Variants in WNT7B observed in about 807,000 individuals in gnomAD.
WNT7B encodes Wnt family member 7B.
WNT7B carries 19 observed loss-of-function variants against 38.2 expected under a neutral mutation model. The ratio of observed to expected loss-of-function variants is 0.50; its 90% CI spans 0.35 to 0.73. The LOEUF (loss-of-function observed/expected upper bound fraction) is 0.73. Among genes scored for constraint, WNT7B ranks in the 30% least tolerant of loss-of-function variants. The pLI, the probability that WNT7B is intolerant of heterozygous loss-of-function variation, is 0.01. For missense variants in WNT7B, 423 were observed against 507.9 expected, an observed-to-expected ratio of 0.83 and a Z score of 1.61; for synonymous variants, 243 against 209.3, an observed-to-expected ratio of 1.16 and a Z score of -1.39.
intron 1 of WNT7B, among the ~76,000 whole-genome samples, chr22:45,957,909 T>G (rs1276716802): frequency 6.6e-6 from 1 of 152,180 alleles, no homozygotes; most frequent in Non-Finnish European, 1.5e-5. Context: ...TGCCCCAGCC[T>G]GTGCCCATCA....
rs546097521 is a variant in WNT7B, at chr22:45,951,999, G to T, written c.72-1853C>A. Among the ~76,000 whole-genome samples the T allele has an allele frequency of 1.3e-5, 2 of 152,328 alleles. No homozygotes were observed. The highest frequency in any genetic ancestry group is 3.9e-4 in the East Asian group (2 of 5,176). On this transcript the variant is annotated intron_variant, in intron 1 of 3. Transcript: ENST00000339464. This position sits in a 1 kb window ranked among gnomAD's most constrained non-coding sequence, Gnocchi z 4.8. ...CTGGCTTTAAGCACCCATGGAAGGG[G>T]CAGTGAGCTGGAAGGAGGGGGGCGG...
chr22:45,930,095 G>A (rs1435898775), intron 3 of WNT7B, among the ~76,000 whole-genome samples: 2 of 152,226 alleles, frequency 1.3e-5, no homozygotes, highest in Non-Finnish European at 2.9e-5. Flanking sequence ...CCCAAGCCCT[G>A]TGGCCATCAA....
chr22:45,943,026 T>C (rs568408932), intron 2 of WNT7B, among the ~76,000 whole-genome samples: 12 of 146,822 alleles, frequency 8.2e-5, no homozygotes, highest in African/African-American at 3.0e-4. Context: ...TGCATGTGTA[T>C]GTGTGTGCGC....
intron 2 of WNT7B, among the ~76,000 whole-genome samples, chr22:45,946,244 C>T (rs112047979): frequency 5.9e-5 from 9 of 152,322 alleles, no homozygotes; most frequent in Admixed American, 2.6e-4. Flanking sequence ...TGCAAAAGTG[C>T]TCTCGGCTTT....
chr22:45,932,034 T>C (rs1407459475), intron 2 of WNT7B, among the ~76,000 whole-genome samples: 3 of 152,160 alleles, frequency 2.0e-5, no homozygotes, highest in Admixed American at 6.5e-5. Context: ...CTAATACCCC[T>C]GCCTGACCCA....
chr22:45,945,539 C>T (rs1360368117), intron 2 of WNT7B, among the ~76,000 whole-genome samples: 1 of 152,236 alleles, frequency 6.6e-6, no homozygotes, highest in South Asian at 2.1e-4. Context: ...CGGCACATGT[C>T]GGTTGGTCCA....
chr22:45,939,670 C>CACACACACACACAA (rs1417517350), intron 2 of WNT7B, among the ~76,000 whole-genome samples: 4 of 151,486 alleles, frequency 2.6e-5, no homozygotes, highest in African/African-American at 7.3e-5. Context: ...CACACACACA[C>CACACACACACACAA]AAAAATAGCC....
chr22:45,946,834 G>A (rs1931808562), intron 2 of WNT7B, among the ~76,000 whole-genome samples: 1 of 152,258 alleles, frequency 6.6e-6, no homozygotes, highest in African/African-American at 2.4e-5. Flanking sequence ...ACTTTGCACA[G>A]GGGATTGATT....
At chr22:45,968,411 C>G (rs566879688) in intron 1 of WNT7B, among the ~76,000 whole-genome samples, 1 of 152,192 alleles carries the variant, frequency 6.6e-6, no homozygotes, top group African/African-American at 2.4e-5. Context: ...TTTGTGCTCC[C>G]GTGATCTGCA....
Position 45,930,954 on chromosome 22 carries a change from G to A in WNT7B, c.570+144C>T, listed in dbSNP as rs532252481. 8 of 1,161,382 alleles carry A rather than the reference G, an allele frequency of 6.9e-6. No individual in the cohort carries two copies. In the East Asian group the frequency reaches 7.9e-5, roughly 11 times the overall value. 71.9% of individuals were successfully genotyped at this position (1,161,382 alleles called of 1,614,324 possible). A position where few individuals can be genotyped will look rare whatever the true frequency, so the allele number is the denominator to read the frequency against. Reference sequence around the variant, plus strand: ...TGCTGGGAGGCTCAGAGCCATGCACGTGGAGGACCCAGACGGCCCCACCCC... The same window carrying A: ...TGCTGGGAGGCTCAGAGCCATGCACATGGAGGACCCAGACGGCCCCACCCC... On this transcript the variant is annotated intron_variant, in intron 3 of 3. Transcript: ENST00000339464.
intron 3 of WNT7B, chr22:45,925,129 A>G (rs1447605717): frequency 4.2e-6 from 4 of 961,938 alleles, no homozygotes; most frequent in Non-Finnish European, 4.9e-6. Context: ...GGTGGGCCCT[A>G]GGCTGGCAGG....
At chr22:45,946,821 G>A (rs540557828) in intron 2 of WNT7B, among the ~76,000 whole-genome samples, 1 of 152,366 alleles carries the variant, frequency 6.6e-6, no homozygotes, top group South Asian at 2.1e-4. Context: ...AAAAGGGATT[G>A]GAACTTTGCA....
intron 1 of WNT7B, among the ~76,000 whole-genome samples, chr22:45,963,359 G>A (rs1033760302): frequency 6.6e-6 from 1 of 152,102 alleles, no homozygotes; most frequent in African/African-American, 2.4e-5. Flanking sequence ...TGGATGCCTT[G>A]TGGCCCAGAG....
intron 1 of WNT7B, among the ~76,000 whole-genome samples, chr22:45,974,947 C>A (rs953045528): frequency 1.3e-5 from 2 of 152,140 alleles, no homozygotes; most frequent in African/African-American, 4.8e-5. Flanking sequence ...TCAGCTCCTT[C>A]TGCTGTCTAT....
intron 1 of WNT7B, among the ~76,000 whole-genome samples, chr22:45,971,769 C>T (rs2146755633): frequency 6.6e-6 from 1 of 152,292 alleles, no homozygotes; most frequent in African/African-American, 2.4e-5. Flanking sequence ...GTATTGCGCG[C>T]CGCGTGGGTT....
chr22:45,974,438 T>C (rs1244685848), intron 1 of WNT7B, among the ~76,000 whole-genome samples: 1 of 152,220 alleles, frequency 6.6e-6, no homozygotes, highest in Non-Finnish European at 1.5e-5. Context: ...AGCAGGGCCC[T>C]TCTCTCCATT....
chr22:45,952,967 C>T (rs2146735659), intron 1 of WNT7B, among the ~76,000 whole-genome samples: 1 of 152,346 alleles, frequency 6.6e-6, no homozygotes, highest in South Asian at 2.1e-4. Context: ...GGCTGCTGCC[C>T]CTTCTCCGTT....
chr22:45,935,629 G>A (rs111901659), intron 2 of WNT7B, among the ~76,000 whole-genome samples: 2,328 of 152,288 alleles, frequency 0.015, 63 homozygotes, highest in African/African-American at 0.053. Flanking sequence ...GCTGCAGGCA[G>A]GATCCACATC....
In WNT7B at chr22:45,920,383, T is replaced by C. The variant is rs1195478480; in HGVS notation, c.*2473A>G. 1 of 151,906 alleles carries C rather than the reference T, an allele frequency of 6.6e-6. No homozygotes were observed. The highest frequency in any genetic ancestry group is 1.5e-5 in the Non-Finnish European group (1 of 67,994). The allele number at this position is 151,906 out of a possible 1,614,324, so 9.4% of individuals were successfully genotyped here. On this transcript the variant is annotated 3_prime_UTR_variant, in exon 4 of 4. Coordinates refer to ENST00000339464, the MANE Select transcript of WNT7B (RefSeq NM_058238.3). The stretch of plus-strand genomic sequence containing the variant: ...ACACTCACTTTTCCGATTCCAGCTT[T>C]TATTGGGCCGAGCACTCCCCTCCAG...
Sources: gnomAD v4.1 joint callset for allele counts (sites outside exome capture counted in the v4.1 genomes callset) on GRCh38, gnomAD v4.1.1 for gene constraint, Gnocchi (gnomAD v3.1) non-coding constraint, MANE v1.5 for transcripts, NCBI Gene and HGNC (gene_info 2026-07-23, HGNC 2026-07-21) for gene names.